PARP8: variants seen among roughly 807,000 people sequenced by gnomAD.
PARP8 encodes protein mono-ADP-ribosyltransferase PARP8.
In PARP8, 51 loss-of-function variants were observed where a neutral mutation model predicts 124.1. The ratio of observed to expected loss-of-function variants is 0.41; its 90% confidence interval spans 0.33 to 0.52. PARP8 has a LOEUF of 0.52. Among genes scored for constraint, PARP8 ranks in the 20% least tolerant of loss-of-function variants. The pLI, the probability that PARP8 is intolerant of heterozygous loss-of-function variation, is 0.21. For missense variants in PARP8, 860 were observed against 1,018.9 expected (o/e 0.84, Z 2.12); for synonymous variants, 391 against 361.5 (o/e 1.08, Z -0.93).
intron 14 of PARP8, among the ~76,000 whole-genome samples, chr5:50,811,555 G>A (rs771255907): frequency 9.2e-5 from 14 of 151,416 alleles, no homozygotes; most frequent in Non-Finnish European, 1.3e-4. Context: ...TTTCAATCTC[G>A]CGTAGTAAGA....
chr5:50,832,789 A>G lies in PARP8; in HGVS notation c.2242A>G (p.Lys748Glu). The change falls in exon 23 of 26, where the codon AAG becomes GAG. Residue 748 changes from lysine to glutamate, a missense_variant. Around this residue, in one of 2 missense-constraint regions of PARP8, gnomAD observed 343 missense variants for 474.7 expected, o/e 0.72. Coordinates refer to ENST00000281631, the MANE Select transcript of PARP8 (RefSeq NM_024615.4). ...TTTGCCGATGTTTTCAGGGATGAAC[A>G]AGAAACAGAAGGTGTCAGCCAAGGA... is the stretch of plus-strand genomic sequence containing the variant. The part of the protein sequence containing the change: ...SISFGYSGMN[K>E]KQKVSAKDEP... The G allele has an allele frequency of 1.9e-6, 3 of 1,613,480 alleles. No homozygotes were observed. Among genetic ancestry groups the G allele is most frequent in the Non-Finnish European group, 2.5e-6 (3 of 1,179,574 alleles).
chr5:50,754,199 A>G (rs1205678810), intron 3 of PARP8, among the ~76,000 whole-genome samples: 2 of 141,996 alleles, frequency 1.4e-5, no homozygotes, highest in Admixed American at 7.1e-5. Flanking sequence ...ATATTTTATT[A>G]TACTTTAAGT....
At chr5:50,745,522 A>G (rs760283318) in intron 2 of PARP8, among the ~76,000 whole-genome samples, 2 of 152,084 alleles carry the variant, frequency 1.3e-5, no homozygotes, top group East Asian at 1.9e-4. Flanking sequence ...TGTTTAACCA[A>G]CTTTTCTTAT....
At chr5:50,675,039 G>A (rs1221187152) in intron 2 of PARP8, among the ~76,000 whole-genome samples, 1 of 152,200 alleles carries the variant, frequency 6.6e-6, no homozygotes, top group African/African-American at 2.4e-5. Flanking sequence ...GCATATGAGT[G>A]ATATTTCAGT....
At chr5:50,752,707 C>A (rs1426427669) in intron 3 of PARP8, among the ~76,000 whole-genome samples, 1 of 152,038 alleles carries the variant, frequency 6.6e-6, no homozygotes, top group Non-Finnish European at 1.5e-5. Context: ...CTTGATACTA[C>A]ATTTATGAAT....
At chr5:50,674,115 C>T (rs1333352452) in intron 2 of PARP8, among the ~76,000 whole-genome samples, 1 of 152,218 alleles carries the variant, frequency 6.6e-6, no homozygotes, top group Non-Finnish European at 1.5e-5. Context: ...TTACTATCCT[C>T]ATTTCACCAT....
At chr5:50,719,006 T>G (rs1755605858) in intron 2 of PARP8, among the ~76,000 whole-genome samples, 1 of 152,074 alleles carries the variant, frequency 6.6e-6, no homozygotes, top group African/African-American at 2.4e-5. Flanking sequence ...GAAGCCATTT[T>G]AAGTGGGGTG....
At chr5:50,774,143 A>G (rs1761914923) in intron 7 of PARP8, among the ~76,000 whole-genome samples, 1 of 152,192 alleles carries the variant, frequency 6.6e-6, no homozygotes, top group Non-Finnish European at 1.5e-5. Flanking sequence ...TTCAGAGAGC[A>G]AGGGGTTGGG....
intron 7 of PARP8, among the ~76,000 whole-genome samples, chr5:50,771,103 CTATA>C (rs1180063182): frequency 2.7e-5 from 4 of 146,750 alleles, no homozygotes; most frequent in African/African-American, 1.0e-4. Context: ...CTCTCTCTCT[CTATA>C]TATATATATA....
chr5:50,805,259 T>C (rs2149672321), intron 14 of PARP8, among the ~76,000 whole-genome samples: 1 of 152,214 alleles, frequency 6.6e-6, no homozygotes, highest in East Asian at 1.9e-4. Context: ...TAGATAAATA[T>C]GAAAATAATG....
chr5:50,694,590 G>T (rs1752824087), intron 2 of PARP8, among the ~76,000 whole-genome samples: 1 of 152,182 alleles, frequency 6.6e-6, no homozygotes. Context: ...CTATGAGCCT[G>T]ACAGTGCACA....
intron 2 of PARP8, among the ~76,000 whole-genome samples, chr5:50,673,095 T>A (rs1190201769): frequency 1.3e-5 from 2 of 152,212 alleles, no homozygotes; most frequent in Non-Finnish European, 2.9e-5. Context: ...TCACTTATTA[T>A]ATATTCAAAA....
chr5:50,757,756 T>C (rs143334868), intron 3 of PARP8, among the ~76,000 whole-genome samples: 67 of 152,290 alleles, frequency 4.4e-4, no homozygotes, highest in Middle Eastern at 3.4e-3. Flanking sequence ...TTCTATTTAG[T>C]TATTCACTCC....
intron 15 of PARP8, among the ~76,000 whole-genome samples, chr5:50,818,978 G>A (rs748383631): frequency 1.2e-4 from 18 of 152,296 alleles, no homozygotes; most frequent in Non-Finnish European, 1.9e-4. Context: ...GAGAAACTGA[G>A]GAAGACATAC....
intron 14 of PARP8, among the ~76,000 whole-genome samples, chr5:50,804,699 C>T (rs1743625227): frequency 6.6e-6 from 1 of 152,128 alleles, no homozygotes; most frequent in Admixed American, 6.5e-5. Flanking sequence ...GTAATGTTAA[C>T]ATTGTTCTAG....
chr5:50,822,110 T>C (rs774464178), intron 16 of PARP8, among the ~76,000 whole-genome samples: 13 of 152,204 alleles, frequency 8.5e-5, no homozygotes, highest in African/African-American at 1.2e-4. Flanking sequence ...CCGCCATGGC[T>C]TATAGAAGGA....
At chr5:50,748,575 T>G (rs917494950) in intron 2 of PARP8, among the ~76,000 whole-genome samples, 1 of 152,206 alleles carries the variant, frequency 6.6e-6, no homozygotes, top group African/African-American at 2.4e-5. Context: ...CAATTTTCTT[T>G]TATCTGAAAG....
Position 50,760,262 on chromosome 5 carries a change from A to G in PARP8, c.275-30A>G, listed in dbSNP as rs746165254. On this transcript the variant is annotated intron_variant, in intron 4 of 25. Coordinates refer to ENST00000281631, the MANE Select transcript of PARP8 (RefSeq NM_024615.4). The stretch of plus-strand genomic sequence containing the variant: ...TGGTAAATAGCATACTAAGTATCAT[A>G]ATATTTTTTAAATTACAACTTTCTT... 6 of 1,458,570 alleles carry G rather than the reference A, an allele frequency of 4.1e-6. No individual in the cohort carries two copies. In the Admixed American group the frequency reaches 1.3e-4, roughly 31 times the overall value. The allele number at this position is 1,458,570 out of a possible 1,614,324, so 90.4% of individuals were successfully genotyped here. A position where few individuals can be genotyped will look rare whatever the true frequency, so the allele number is the denominator to read the frequency against.
intron 14 of PARP8, among the ~76,000 whole-genome samples, chr5:50,812,130 T>C (rs1314144010): frequency 6.6e-6 from 1 of 152,170 alleles, no homozygotes; most frequent in East Asian, 1.9e-4. Flanking sequence ...AGTCAAATGG[T>C]ATTTCCAGTT....
Sources: gnomAD v4.1 joint callset for allele counts (sites outside exome capture counted in the v4.1 genomes callset) on GRCh38, gnomAD v4.1.1 for gene constraint, gnomAD v4.1.1 regional missense constraint, MANE v1.5 for transcripts, NCBI Gene and HGNC (gene_info 2026-07-23, HGNC 2026-07-21) for gene names.